RB1CC1: variants seen among roughly 807,000 people sequenced by gnomAD.
The protein encoded by RB1CC1 is RB1 inducible coiled-coil 1.
A neutral mutation model predicts 177.5 loss-of-function variants in RB1CC1; 46 were observed. The observed-to-expected ratio is 0.26, with a 90% CI of 0.20 to 0.33. The LOEUF is 0.33. Ranked by LOEUF, RB1CC1 falls within the 10% of genes least tolerant of loss-of-function variation. RB1CC1 has a pLI of 1.00. For missense variants in RB1CC1, 1,703 were observed against 1,816.3 expected, an observed-to-expected ratio of 0.94 and a Z score of 1.13; for synonymous variants, 666 against 613.6, an observed-to-expected ratio of 1.09 and a Z score of -1.26.
chr8:52,656,947 T>C lies in RB1CC1; in HGVS notation c.2882A>G (p.Asp961Gly), dbSNP rs1194030009. ...LKQSREIVLEDLKKLHVENDE... is the reference protein window; with the variant it reads ...LKQSREIVLEGLKKLHVENDE... ...ATTTTCAACATGGAGCTTTTTTAAGTCTTCTAACACTATTTCTCGTGACTG... is the reference window on the plus strand; with the variant it reads ...ATTTTCAACATGGAGCTTTTTTAAGCCTTCTAACACTATTTCTCGTGACTG... Residue 961 changes from aspartate (D) to glycine (G), a missense_variant, in exon 15 of 24, where the codon GAC (aspartate) becomes GGC (glycine). Coordinates refer to ENST00000025008, the MANE Select transcript of RB1CC1 (RefSeq NM_014781.5). The C allele has an allele frequency of 6.2e-7, 1 of 1,613,462 alleles. No individual in the cohort carries two copies. The highest frequency in any genetic ancestry group is 1.1e-5 in the South Asian group (1 of 91,058).
chr8:52,658,579 GA>G (rs67680393), intron 13 of RB1CC1, among the ~76,000 whole-genome samples: 45,276 of 98,458 alleles, frequency 0.46, 8,518 homozygotes, highest in Middle Eastern at 0.57. Context: ...TCCGTCTCAA[GA>G]AAAAAAAAAA....
chr8:52,708,242 C>A (rs919730523), intron 1 of RB1CC1, among the ~76,000 whole-genome samples: 7 of 152,328 alleles, frequency 4.6e-5, no homozygotes, highest in African/African-American at 1.7e-4. Flanking sequence ...TATTGCCGGG[C>A]ACACTGGCTC....
In RB1CC1 at chr8:52,623,214, T is replaced by TC. The variant is rs1438146589; in HGVS notation, c.*567_*568insG. 1 of 155,652 alleles carries TC rather than the reference T, an allele frequency of 6.4e-6. No individual in the cohort carries two copies. The highest frequency in any genetic ancestry group is 6.4e-5 in the Admixed American group (1 of 15,636). The allele number at this position is 155,652 out of a possible 1,614,324, so 9.6% of individuals were successfully genotyped here. A position where few individuals can be genotyped will look rare whatever the true frequency, so the allele number is the denominator to read the frequency against. Reference sequence around the variant, plus strand: ...ATCAAATTACAGTTCCTTTTTTTTTTTGAAACATCAAAGGGCATTTAAAAA... The same window carrying TC: ...ATCAAATTACAGTTCCTTTTTTTTTTCTGAAACATCAAAGGGCATTTAAAAA... On this transcript the variant is annotated 3_prime_UTR_variant, in exon 24 of 24. Coordinates refer to ENST00000025008, the MANE Select transcript of RB1CC1 (RefSeq NM_014781.5).
chr8:52,626,215 C>A (rs946331398), intron 22 of RB1CC1, among the ~76,000 whole-genome samples: 3 of 152,210 alleles, frequency 2.0e-5, no homozygotes, highest in African/African-American at 7.2e-5. Flanking sequence ...ATGATCCCAA[C>A]TGGCATTCCT....
intron 5 of RB1CC1, among the ~76,000 whole-genome samples, chr8:52,682,174 C>T (rs1392936173): frequency 1.3e-5 from 2 of 152,146 alleles, no homozygotes. Context: ...ATTAGTGAGA[C>T]CTAGATGTGA....
chr8:52,710,990 C>G (rs1857017442), intron 1 of RB1CC1, among the ~76,000 whole-genome samples: 1 of 151,954 alleles, frequency 6.6e-6, no homozygotes, highest in Non-Finnish European at 1.5e-5. Context: ...AGTGGACAGT[C>G]TCAAATCAGT....
intron 23 of RB1CC1, 73 bp downstream of exon 23, chr8:52,624,641 AATG>A: frequency 1.7e-6 from 2 of 1,179,738 alleles, no homozygotes; most frequent in Non-Finnish European, 2.5e-6. Flanking sequence ...CAGCAGTGGT[AATG>A]ATTTCTATAT....
chr8:52,663,573 T>C (rs1203601062), intron 8 of RB1CC1, among the ~76,000 whole-genome samples: 1 of 152,288 alleles, frequency 6.6e-6, no homozygotes, highest in South Asian at 2.1e-4. Context: ...TTATACTACG[T>C]TGTAAATGTG....
intron 1 of RB1CC1, among the ~76,000 whole-genome samples, chr8:52,689,918 C>A (rs1481184941): frequency 6.6e-6 from 1 of 151,892 alleles, no homozygotes; most frequent in Non-Finnish European, 1.5e-5. Flanking sequence ...GGCGACAGAG[C>A]CAGACTCTTT....
chr8:52,645,084 GGCATCTGGTTT>G (rs1322439847), intron 16 of RB1CC1, among the ~76,000 whole-genome samples: 1 of 152,102 alleles, frequency 6.6e-6, no homozygotes, highest in African/African-American at 2.4e-5. Flanking sequence ...TCTCTAACAA[GGCATCTGGTTT>G]TTTATCTAAC....
chr8:52,659,295 C>A (rs1425061821), intron 12 of RB1CC1, among the ~76,000 whole-genome samples: 3 of 151,986 alleles, frequency 2.0e-5, no homozygotes, highest in African/African-American at 7.3e-5. Flanking sequence ...ATGGTAAACA[C>A]ATATGTAAGT....
At chr8:52,633,742 G>A (rs1422749785) in intron 20 of RB1CC1, among the ~76,000 whole-genome samples, 1 of 152,068 alleles carries the variant, frequency 6.6e-6, no homozygotes, top group Admixed American at 6.6e-5. Flanking sequence ...CTGTAAAATG[G>A]GCTGTTCAAA....
chr8:52,653,842 A>T (rs1427870820), intron 15 of RB1CC1, among the ~76,000 whole-genome samples: 1 of 152,184 alleles, frequency 6.6e-6, no homozygotes, highest in Non-Finnish European at 1.5e-5. Context: ...AAAAAGTTTC[A>T]GATTTTGGAG....
At chr8:52,659,879 C>T (rs1017412325) in intron 12 of RB1CC1, among the ~76,000 whole-genome samples, 1 of 152,148 alleles carries the variant, frequency 6.6e-6, no homozygotes, top group Non-Finnish European at 1.5e-5. Context: ...CACCTCTAGT[C>T]CCAGCTACTT....
At chr8:52,688,777 C>T (rs1591093395) in intron 1 of RB1CC1, among the ~76,000 whole-genome samples, 1 of 152,298 alleles carries the variant, frequency 6.6e-6, no homozygotes, top group East Asian at 1.9e-4. Context: ...GGTTTTGAGG[C>T]TTATGCGGGC....
rs183053362 is a variant in RB1CC1 at position 52,675,582 on chromosome 8, A to G, written c.572+787T>C. On this transcript the variant is annotated intron_variant, in intron 6 of 23. Transcript: ENST00000025008. ...CCATCTTAATGAGCATTGAAAACAC[A>G]TGGGCTGGCCAGGTGCAGTGGCTCA... Among the ~76,000 whole-genome samples, 9 of 152,204 alleles carry G rather than the reference A, an allele frequency of 5.9e-5. No homozygotes were observed. In the East Asian group the frequency reaches 1.7e-3, roughly 29 times the overall value.
chr8:52,681,672 TA>T (rs1201258379), intron 5 of RB1CC1, among the ~76,000 whole-genome samples: 1 of 152,228 alleles, frequency 6.6e-6, no homozygotes, highest in Non-Finnish European at 1.5e-5. Flanking sequence ...GATTCACGCC[TA>T]TAATCCCAGC....
At chr8:52,673,789 A>C in intron 7 of RB1CC1, 56 bp downstream of exon 7, 1 of 1,421,676 alleles carries the variant, frequency 7.0e-7, no homozygotes, top group Non-Finnish European at 9.4e-7. Context: ...AATATTTAGG[A>C]TAAATAATAT....
intron 1 of RB1CC1, among the ~76,000 whole-genome samples, chr8:52,709,794 G>A (rs1856905447): frequency 6.6e-6 from 1 of 152,232 alleles, no homozygotes; most frequent in Admixed American, 6.5e-5. Flanking sequence ...ATGATAAGGT[G>A]AAAGGGGGAC....
Sources: gnomAD v4.1 joint callset for allele counts (sites outside exome capture counted in the v4.1 genomes callset) on GRCh38, gnomAD v4.1.1 for gene constraint, MANE v1.5 for transcripts, NCBI Gene and HGNC (gene_info 2026-07-23, HGNC 2026-07-21) for gene names.